STAC: variants seen among roughly 807,000 people sequenced by gnomAD.
STAC encodes SH3 and cysteine rich domain.
STAC carries 43 observed loss-of-function variants against 48.8 expected under a neutral mutation model. That is an observed-to-expected ratio of 0.88 (90% CI 0.69 to 1.14). The LOEUF (loss-of-function observed/expected upper bound fraction) is 1.14, where lower values mean the gene tolerates loss of function less well. STAC is among the 50% of genes most tolerant of loss of function. The probability of loss-of-function intolerance (pLI) is 0.00; values close to 1 mark genes in which losing one functional copy is unlikely to be tolerated. For synonymous variants in STAC, 193 were observed against 179.5 expected (o/e 1.07, Z -0.60); for missense variants, 497 against 504.0 (o/e 0.99, Z 0.13).
At chr3:36,438,933 T>C (rs1192430818) in intron 1 of STAC, among the ~76,000 whole-genome samples, 1 of 152,236 alleles carries the variant, frequency 6.6e-6, no homozygotes, top group East Asian at 1.9e-4. Flanking sequence ...TGCTCTTTTA[T>C]CACTTTTTAG....
At chr3:36,445,494 G>C (rs1338387166) in intron 2 of STAC, among the ~76,000 whole-genome samples, 1 of 152,178 alleles carries the variant, frequency 6.6e-6, no homozygotes, top group Middle Eastern at 3.2e-3. Context: ...GAAAAGGCGG[G>C]AGGAAGGAGG....
At chr3:36,544,930 T>A (rs1231423527) in intron 10 of STAC, among the ~76,000 whole-genome samples, 2 of 152,130 alleles carry the variant, frequency 1.3e-5, no homozygotes, top group African/African-American at 4.8e-5. Flanking sequence ...GAAGCACGAG[T>A]CAGATACCAG....
At chr3:36,456,399 A>G (rs528370942) in intron 2 of STAC, among the ~76,000 whole-genome samples, 50 of 152,278 alleles carry the variant, frequency 3.3e-4, no homozygotes, top group African/African-American at 1.2e-3. Flanking sequence ...AAAAAATAGA[A>G]AAAAGACACC....
chr3:36,449,775 C>A lies in STAC; in HGVS notation c.388+6135C>A, dbSNP rs372454010. 1.2e-4 allele frequency among the ~76,000 whole-genome samples: 18 copies of A among 152,282 alleles called. No individual in the cohort carries two copies. The East Asian group carries it at 1.7e-3, about 15-fold the overall frequency. ...CTCAAACAGAAATGGAAGTGACACT[C>A]TTTAGGGGATACTGTTGTGCTCTGG... On this transcript the variant is annotated intron_variant, in intron 2 of 10. Coordinates refer to ENST00000273183, the MANE Select transcript of STAC (RefSeq NM_003149.3).
chr3:36,399,394 C>T (rs576234392), intron 1 of STAC, among the ~76,000 whole-genome samples: 1 of 152,304 alleles, frequency 6.6e-6, no homozygotes, highest in African/African-American at 2.4e-5. Flanking sequence ...CTGCATTTGA[C>T]AATGGGTTGA....
At chr3:36,448,921 C>T (rs1204842624) in intron 2 of STAC, among the ~76,000 whole-genome samples, 1 of 147,250 alleles carries the variant, frequency 6.8e-6, no homozygotes, top group East Asian at 2.2e-4. Context: ...CCACTCCCGA[C>T]CCAGTCTCTA....
chr3:36,471,953 AGGGACTCTGTGT>A (rs1025927655), intron 2 of STAC, among the ~76,000 whole-genome samples: 3 of 152,168 alleles, frequency 2.0e-5, no homozygotes, highest in Admixed American at 1.3e-4. Context: ...GTGCCCCAGT[AGGGACTCTGTGT>A]GGGACTCTGT....
chr3:36,464,088 C>T (rs577207661), intron 2 of STAC, among the ~76,000 whole-genome samples: 54 of 152,236 alleles, frequency 3.5e-4, no homozygotes, highest in African/African-American at 1.3e-3. Flanking sequence ...CCTGAGGAAT[C>T]GCCACACTGA....
At chr3:36,505,605 C>A (rs1200210193) in intron 7 of STAC, 141 bp from the exon 8 acceptor site, 1 of 532,502 alleles carries the variant, frequency 1.9e-6, no homozygotes, top group Non-Finnish European at 3.3e-6. Context: ...GACAGAAAAT[C>A]TTTAATAATG....
At chr3:36,529,139 A>C in intron 10 of STAC, 154 bp downstream of exon 10, 1 of 823,242 alleles carries the variant, frequency 1.2e-6, no homozygotes, top group Admixed American at 3.4e-5. Flanking sequence ...TCAGTGTTGT[A>C]GGAGCTAAAC....
chr3:36,446,300 C>T (rs957050025), intron 2 of STAC, among the ~76,000 whole-genome samples: 5 of 152,218 alleles, frequency 3.3e-5, no homozygotes, highest in African/African-American at 1.2e-4. Flanking sequence ...TTCATGGAGA[C>T]ATGAGAGAAA....
intron 2 of STAC, among the ~76,000 whole-genome samples, chr3:36,474,623 C>G (rs1035492599): frequency 6.6e-6 from 1 of 152,042 alleles, no homozygotes; most frequent in Non-Finnish European, 1.5e-5. Flanking sequence ...CATACACAAC[C>G]TATAAAAATA....
intron 10 of STAC, among the ~76,000 whole-genome samples, chr3:36,540,175 T>C (rs1392212708): frequency 6.6e-6 from 1 of 152,128 alleles, no homozygotes; most frequent in Non-Finnish European, 1.5e-5. Context: ...GGTGATGACC[T>C]CTAGAGCTGG....
intron 2 of STAC, among the ~76,000 whole-genome samples, chr3:36,471,802 G>A (rs1343646758): frequency 2.0e-5 from 3 of 152,196 alleles, no homozygotes; most frequent in Non-Finnish European, 4.4e-5. Context: ...GGTATGCAGA[G>A]TACACCCTCC....
At position 36,547,825 on chromosome 3, in the gene STAC, C is replaced by T. The variant is rs1053506529; in HGVS notation, c.*1536C>T. Reference sequence around the variant, plus strand: ...TCTTAAAGCCAGCATCCAGAATTTCCTCCCTCTCTGATGCCACATGCAAAA... The same window carrying T: ...TCTTAAAGCCAGCATCCAGAATTTCTTCCCTCTCTGATGCCACATGCAAAA... On this transcript the variant is annotated 3_prime_UTR_variant, in exon 11 of 11. Coordinates refer to ENST00000273183, the MANE Select transcript of STAC (RefSeq NM_003149.3). 6.6e-6 allele frequency: 1 copy of T among 152,176 alleles called. No homozygotes were observed. Among genetic ancestry groups the T allele is most frequent in the Non-Finnish European group, 1.5e-5 (1 of 68,030 alleles). 9.4% of individuals were successfully genotyped at this position (152,176 alleles called of 1,614,324 possible). A position where few individuals can be genotyped will look rare whatever the true frequency, so the allele number is the denominator to read the frequency against.
intron 1 of STAC, among the ~76,000 whole-genome samples, chr3:36,410,633 C>A (rs1044177673): frequency 3.3e-5 from 5 of 152,130 alleles, no homozygotes; most frequent in African/African-American, 1.2e-4. Context: ...TAAAGGATAT[C>A]CGTTCTTTTT....
rs182810942 is a variant in STAC, at chr3:36,478,691, T to C, written c.389-4301T>C. On this transcript the variant is annotated intron_variant, in intron 2 of 10. Transcript: ENST00000273183. The stretch of plus-strand genomic sequence containing the variant: ...TGAATATTTAGTAGAGATGGGTTTT[T>C]TGGCCAGGCTGGTTTCAAACTCCTG... 5.3e-3 allele frequency among the ~76,000 whole-genome samples: 808 copies of C among 152,218 alleles called. 5 individuals carry two copies. The highest frequency in any genetic ancestry group is 0.024 in the Middle Eastern group (7 of 294).
At chr3:36,498,613 C>G (rs1387832349) in intron 6 of STAC, among the ~76,000 whole-genome samples, 3 of 152,006 alleles carry the variant, frequency 2.0e-5, no homozygotes, top group Non-Finnish European at 4.4e-5. Flanking sequence ...ATTAGCCAGG[C>G]GTGGTGGTGC....
At chr3:36,483,181 C>T in intron 3 of STAC, 89 bp downstream of exon 3, 2 of 1,002,932 alleles carry the variant, frequency 2.0e-6, no homozygotes, top group Non-Finnish European at 3.0e-6. Context: ...AAATCCTTCC[C>T]TGAAACCCTG....
Sources: gnomAD v4.1 joint callset for allele counts (sites outside exome capture counted in the v4.1 genomes callset) on GRCh38, gnomAD v4.1.1 for gene constraint, MANE v1.5 for transcripts, NCBI Gene and HGNC (gene_info 2026-07-23, HGNC 2026-07-21) for gene names.